Variants in TENM4 observed in about 807,000 individuals in gnomAD.
TENM4 encodes teneurin-4.
A neutral mutation model predicts 243.3 loss-of-function variants in TENM4; 82 were observed. The ratio of observed to expected loss-of-function variants is 0.34; its 90% confidence interval spans 0.28 to 0.40. The LOEUF is 0.40. Ranked by LOEUF, TENM4 falls within the 10% of genes least tolerant of loss-of-function variation. The pLI, the probability that TENM4 is intolerant of heterozygous loss-of-function variation, is 1.00. For synonymous variants in TENM4, 1,412 were observed against 1,456.3 expected, an observed-to-expected ratio of 0.97 and a Z score of 0.69; for missense variants, 3,138 against 3,673.3, an observed-to-expected ratio of 0.85 and a Z score of 3.77.
At chr11:78,709,406 CAG>C (rs1344634533) in intron 26 of TENM4, among the ~76,000 whole-genome samples, 2 of 152,136 alleles carry the variant, frequency 1.3e-5, no homozygotes, top group African/African-American at 2.4e-5. Context: ...GGAGAGGAGT[CAG>C]AATCATTACT....
intron 2 of TENM4, among the ~76,000 whole-genome samples, chr11:79,263,381 C>T (rs1158564752): frequency 1.3e-5 from 2 of 152,194 alleles, no homozygotes; most frequent in Non-Finnish European, 2.9e-5. Context: ...GCAAATGGCA[C>T]CGCAAACATG....
Position 79,367,356 on chromosome 11 carries a change from T to TACAA in TENM4, c.-320-69814_-320-69813insTTGT, listed in dbSNP as rs1210266833. Among the ~76,000 whole-genome samples the TACAA allele has an allele frequency of 7.5e-4, 114 of 152,360 alleles. 3 individuals are homozygous for TACAA. In the South Asian group the frequency reaches 0.023, roughly 31 times the overall value. On this transcript the variant is annotated intron_variant, in intron 1 of 33. Coordinates refer to ENST00000278550, the MANE Select transcript of TENM4 (RefSeq NM_001098816.3). ...TTCCTTTACAAGAAGCTACCACCTG[T>TACAA]GAGTCAGCCAGAAAGATTATTTTTA...
Position 78,701,810 on chromosome 11 carries a change from C to G in TENM4, c.4803G>C (p.Leu1601=). ...TTGKHLYTQS[L]PTGDYLYNFT... ...AGTTGTACAGGTAGTCTCCTGTGGG[C>G]AGGCTTTGGGTGTACAGGTGCTTGC... Residue 1601 remains leucine (L), a synonymous_variant, in exon 28 of 34, where the codon CTG becomes CTC. Coordinates refer to ENST00000278550, the MANE Select transcript of TENM4 (RefSeq NM_001098816.3). 6.2e-7 allele frequency: 1 copy of G among 1,613,998 alleles called. No individual in the cohort carries two copies. The highest frequency in any genetic ancestry group is 8.5e-7 in the Non-Finnish European group (1 of 1,179,900).
At chr11:79,169,586 G>C (rs925387674) in intron 3 of TENM4, among the ~76,000 whole-genome samples, 1 of 152,096 alleles carries the variant, frequency 6.6e-6, no homozygotes, top group African/African-American at 2.4e-5. Flanking sequence ...CAGGCTCTTT[G>C]ACACAGTTTT....
chr11:78,956,555 T>G (rs951888068), intron 6 of TENM4, among the ~76,000 whole-genome samples: 5 of 152,234 alleles, frequency 3.3e-5, no homozygotes, highest in Non-Finnish European at 7.3e-5. Context: ...TGGAGCTTCC[T>G]GGTCAGCAAC....
chr11:78,996,505 C>T (rs980517447), intron 6 of TENM4, among the ~76,000 whole-genome samples: 1 of 152,168 alleles, frequency 6.6e-6, no homozygotes, highest in Non-Finnish European at 1.5e-5. Context: ...AGTCAACCCA[C>T]AGAATTATGA....
intron 6 of TENM4, among the ~76,000 whole-genome samples, chr11:79,037,799 T>G (rs7931871): frequency 0.68 from 103,679 of 152,054 alleles, 37,456 homozygotes; most frequent in Non-Finnish European, 0.83. Context: ...AATGTAACGG[T>G]CAAGGGAACT....
At chr11:78,773,653 G>A (rs1856685751) in intron 17 of TENM4, among the ~76,000 whole-genome samples, 2 of 152,160 alleles carry the variant, frequency 1.3e-5, no homozygotes, top group East Asian at 3.9e-4. Context: ...CAACTCTGCC[G>A]TTATAGCTTG....
At chr11:79,424,941 C>A (rs887403556) in intron 1 of TENM4, among the ~76,000 whole-genome samples, 7 of 151,888 alleles carry the variant, frequency 4.6e-5, no homozygotes, top group East Asian at 3.9e-4. Flanking sequence ...TTCACACACA[C>A]AAAAAAAAGT....
At chr11:79,202,180 C>T (rs1033885198) in intron 3 of TENM4, among the ~76,000 whole-genome samples, 1 of 152,286 alleles carries the variant, frequency 6.6e-6, no homozygotes, top group Middle Eastern at 3.4e-3. Flanking sequence ...CTGCCAGGAA[C>T]AGGACCTCGT....
intron 6 of TENM4, among the ~76,000 whole-genome samples, chr11:79,032,068 T>G (rs991563081): frequency 6.6e-6 from 1 of 152,194 alleles, no homozygotes; most frequent in Non-Finnish European, 1.5e-5. Flanking sequence ...TTAGATGTAT[T>G]TTAGTCACCA....
At chr11:79,243,799 T>A (rs1393476691) in intron 2 of TENM4, among the ~76,000 whole-genome samples, 1 of 152,246 alleles carries the variant, frequency 6.6e-6, no homozygotes, top group Non-Finnish European at 1.5e-5. Flanking sequence ...ATAAGTCATG[T>A]GCCAGCCAAG....
chr11:78,749,911 A>G (rs1040302189), intron 19 of TENM4, among the ~76,000 whole-genome samples: 5 of 152,094 alleles, frequency 3.3e-5, no homozygotes, highest in African/African-American at 1.2e-4. Flanking sequence ...ATAGTTCCCT[A>G]TGTTCCTCTT....
intron 6 of TENM4, among the ~76,000 whole-genome samples, chr11:78,964,049 TTTTTTTTTC>T (rs1033252204): frequency 2.8e-5 from 4 of 141,096 alleles, no homozygotes; most frequent in African/African-American, 1.1e-4. Flanking sequence ...TTTTTTTTTT[TTTTTTTTTC>T]CCCTAGATGG....
chr11:78,990,532 A>T (rs907493373), intron 6 of TENM4, among the ~76,000 whole-genome samples: 2 of 152,328 alleles, frequency 1.3e-5, no homozygotes, highest in African/African-American at 4.8e-5. Context: ...TGATCTAAAT[A>T]TACTGCGAGG....
At chr11:78,816,147 G>T (rs1304185218) in intron 12 of TENM4, among the ~76,000 whole-genome samples, 1 of 152,232 alleles carries the variant, frequency 6.6e-6, no homozygotes, top group Non-Finnish European at 1.5e-5. Flanking sequence ...ACTGAAAAAG[G>T]TGTTTAGGTT....
chr11:79,192,770 A>G (rs1863544054), intron 3 of TENM4, among the ~76,000 whole-genome samples: 1 of 152,250 alleles, frequency 6.6e-6, no homozygotes, highest in Admixed American at 6.5e-5. Flanking sequence ...ATTAAAAAAA[A>G]AAATATTTTC....
chr11:79,419,580 C>G (rs1232002786), intron 1 of TENM4, among the ~76,000 whole-genome samples: 1 of 152,182 alleles, frequency 6.6e-6, no homozygotes, highest in Non-Finnish European at 1.5e-5. Context: ...GTGATATGTA[C>G]TTTGTATGGG....
chr11:79,429,643 C>T (rs959021571), intron 1 of TENM4, among the ~76,000 whole-genome samples: 1 of 152,066 alleles, frequency 6.6e-6, no homozygotes, highest in Non-Finnish European at 1.5e-5. Context: ...GCAGAGAATT[C>T]AACCCAAAAC....
Sources: gnomAD v4.1 joint callset for allele counts (sites outside exome capture counted in the v4.1 genomes callset) on GRCh38, gnomAD v4.1.1 for gene constraint, MANE v1.5 for transcripts, NCBI Gene and HGNC (gene_info 2026-07-23, HGNC 2026-07-21) for gene names.